The following MAP3K5 variants were observed in gnomAD, a reference collection of about 807,000 sequenced individuals.
The protein encoded by MAP3K5 is mitogen-activated protein kinase kinase kinase 5, also known as ASK-1.
Under a neutral mutation model 158.7 loss-of-function variants are expected in MAP3K5, and 56 were observed. The ratio of observed to expected loss-of-function variants is 0.35; its 90% CI spans 0.28 to 0.44. MAP3K5 has a LOEUF of 0.44. Ranked by LOEUF, MAP3K5 falls within the 20% of genes least tolerant of loss-of-function variation. The pLI is 1.00. For synonymous variants in MAP3K5, 579 were observed against 601.7 expected, an observed-to-expected ratio of 0.96 and a Z score of 0.55; for missense variants, 1,294 against 1,674.8, an observed-to-expected ratio of 0.77 and a Z score of 3.97.
intron 2 of MAP3K5, among the ~76,000 whole-genome samples, chr6:136,713,179 T>G (rs1300194706): frequency 6.6e-6 from 1 of 152,196 alleles, no homozygotes; most frequent in Non-Finnish European, 1.5e-5. Flanking sequence ...CCCCACTCCT[T>G]CCTCTGTGTG....
chr6:136,667,652 C>T (rs1779285351), intron 8 of MAP3K5, among the ~76,000 whole-genome samples: 2 of 152,036 alleles, frequency 1.3e-5, no homozygotes, highest in African/African-American at 2.4e-5. Context: ...CAATCTAAAC[C>T]AGCCTGGGCA....
rs764884665 is a variant in MAP3K5 at position 136,601,752 on chromosome 6, G to A, written c.2857+50C>T. 26 of 1,550,002 alleles carry A rather than the reference G, an allele frequency of 1.7e-5. 2 individuals carry two copies. Among genetic ancestry groups the A allele is most frequent in the East Asian group, 4.5e-5 (2 of 44,466 alleles). ...TCCGGAAAATTCTTCCATCTTAAAA[G>A]CTTAGGATTGAAGGACTCAGACTAT... On this transcript the variant is annotated intron_variant, in intron 20 of 29. Coordinates refer to ENST00000359015, the MANE Select transcript of MAP3K5 (RefSeq NM_005923.4).
chr6:136,583,549 A>G lies in MAP3K5; in HGVS notation c.3411+6T>C. On this transcript the variant is annotated splice_donor_region_variant and intron_variant, in intron 24 of 29. Coordinates refer to ENST00000359015, the MANE Select transcript of MAP3K5 (RefSeq NM_005923.4). ...TGGGAAAACACTGGCAAAATATCAT[A>G]CTTACAGCATCTTGAAAACCAAAGA... The G allele has an allele frequency of 6.2e-7, 1 of 1,610,748 alleles. No homozygotes were observed. The highest frequency in any genetic ancestry group is 8.5e-7 in the Non-Finnish European group (1 of 1,178,466).
chr6:136,790,000 A>G (rs1177185110), intron 1 of MAP3K5, among the ~76,000 whole-genome samples: 2 of 152,142 alleles, frequency 1.3e-5, no homozygotes, highest in Non-Finnish European at 2.9e-5. Context: ...CCCAAGCACA[A>G]CCTTTTAGGG....
At chr6:136,759,075 G>T (rs552138341) in intron 1 of MAP3K5, among the ~76,000 whole-genome samples, 1 of 152,244 alleles carries the variant, frequency 6.6e-6, no homozygotes, top group Admixed American at 6.5e-5. Context: ...GGAGGCTGAG[G>T]CACAAGAATC....
intron 1 of MAP3K5, among the ~76,000 whole-genome samples, chr6:136,726,604 G>A (rs1237025409): frequency 6.6e-6 from 1 of 151,686 alleles, no homozygotes; most frequent in African/African-American, 2.4e-5. Flanking sequence ...AAAAAAAAAA[G>A]AATACGGAAT....
chr6:136,621,913 C>T (rs1369367574), intron 15 of MAP3K5, among the ~76,000 whole-genome samples: 15 of 151,942 alleles, frequency 9.9e-5, no homozygotes, highest in African/African-American at 3.1e-4. Flanking sequence ...GGTGAAACCG[C>T]GTCTCTATTA....
At chr6:136,756,523 A>ACTGCAACCTCCGCCTCC (rs896046419) in intron 1 of MAP3K5, among the ~76,000 whole-genome samples, 1 of 152,082 alleles carries the variant, frequency 6.6e-6, no homozygotes, top group Non-Finnish European at 1.5e-5. Flanking sequence ...ATCTCGGCTC[A>ACTGCAACCTCCGCCTCC]CTGCAACCTC....
chr6:136,774,491 A>AAT (rs1784333454), intron 1 of MAP3K5, among the ~76,000 whole-genome samples: 1 of 152,092 alleles, frequency 6.6e-6, no homozygotes, highest in Admixed American at 6.6e-5. Flanking sequence ...CAATTAGCAC[A>AAT]ATATATATAA....
At chr6:136,561,729 A>G in intron 27 of MAP3K5, 84 bp from the exon 28 acceptor site, 2 of 748,726 alleles carry the variant, frequency 2.7e-6, no homozygotes, top group South Asian at 3.1e-5. Context: ...ACATTTATTG[A>G]TACTTTAAAA....
At chr6:136,739,192 TGTGGCCTATCA>T (rs1166970672) in intron 1 of MAP3K5, among the ~76,000 whole-genome samples, 1 of 152,074 alleles carries the variant, frequency 6.6e-6, no homozygotes, top group Admixed American at 6.5e-5. Context: ...TAGAAGTAAA[TGTGGCCTATCA>T]GTAGTCAGTG....
At chr6:136,734,278 G>C (rs925231176) in intron 1 of MAP3K5, among the ~76,000 whole-genome samples, 2 of 151,880 alleles carry the variant, frequency 1.3e-5, no homozygotes, top group Non-Finnish European at 2.9e-5. Flanking sequence ...AAATTAGCCA[G>C]GTGCAGTGAC....
In MAP3K5 at chr6:136,613,053, C is replaced by T; in HGVS notation, c.2415+67G>A. On this transcript the variant is annotated intron_variant, in intron 17 of 29. Coordinates refer to ENST00000359015, the MANE Select transcript of MAP3K5 (RefSeq NM_005923.4). This position sits in a 1 kb window ranked among gnomAD's most constrained non-coding sequence, Gnocchi z 4.0. ...AATTAATACTCATAACACAATATGA[C>T]TTTTGCAAGTAAAATAATAACCCAG... is the stretch of plus-strand genomic sequence containing the variant. The T allele has an allele frequency of 3.4e-6, 5 of 1,451,092 alleles. No homozygotes were observed. The highest frequency in any genetic ancestry group is 4.6e-6 in the Non-Finnish European group (5 of 1,075,676). 89.9% of individuals were successfully genotyped at this position (1,451,092 alleles called of 1,614,324 possible).
chr6:136,573,655 T>C (rs1010030758), intron 25 of MAP3K5, among the ~76,000 whole-genome samples: 6 of 152,008 alleles, frequency 3.9e-5, no homozygotes, highest in Admixed American at 6.5e-5. Context: ...CTTGGCTTGA[T>C]AGAGAAAGAG....
At chr6:136,643,917 T>C (rs1402314594) in intron 11 of MAP3K5, among the ~76,000 whole-genome samples, 1 of 152,140 alleles carries the variant, frequency 6.6e-6, no homozygotes, top group East Asian at 1.9e-4. Flanking sequence ...TATATATATA[T>C]ATGACCCAGG....
chr6:136,742,175 C>G (rs1263371853), intron 1 of MAP3K5, among the ~76,000 whole-genome samples: 1 of 152,030 alleles, frequency 6.6e-6, no homozygotes, highest in Non-Finnish European at 1.5e-5. Context: ...GGGAAAAGAC[C>G]AGAAGAGCCA....
At chr6:136,693,859 G>A (rs1411294882) in intron 7 of MAP3K5, among the ~76,000 whole-genome samples, 1 of 152,070 alleles carries the variant, frequency 6.6e-6, no homozygotes, top group South Asian at 2.1e-4. Context: ...GTGGTGGCGG[G>A]CACCTGTAAT....
chr6:136,720,002 T>A (rs1781683165), intron 2 of MAP3K5, among the ~76,000 whole-genome samples: 1 of 152,158 alleles, frequency 6.6e-6, no homozygotes, highest in African/African-American at 2.4e-5. Context: ...CCATCTTAGT[T>A]TAAATCATAC....
chr6:136,705,712 C>G (rs1285155399), intron 2 of MAP3K5, among the ~76,000 whole-genome samples: 2 of 152,150 alleles, frequency 1.3e-5, no homozygotes, highest in African/African-American at 4.8e-5. Flanking sequence ...TATGTAAAAT[C>G]CCCAAACTGA....
Sources: gnomAD v4.1 joint callset for allele counts (sites outside exome capture counted in the v4.1 genomes callset) on GRCh38, gnomAD v4.1.1 for gene constraint, Gnocchi (gnomAD v3.1) non-coding constraint, MANE v1.5 for transcripts, NCBI Gene and HGNC (gene_info 2026-07-23, HGNC 2026-07-21) for gene names.